The following LRR1 variants were observed in gnomAD, a reference collection of about 807,000 sequenced individuals.
LRR1 encodes the protein leucine rich repeat protein 1, also known as leucine-rich repeat protein 1.
LRR1 carries 29 observed loss-of-function variants against 31.6 expected under a neutral mutation model. That is an observed-to-expected ratio of 0.92 (90% CI 0.68 to 1.25). LRR1 has a LOEUF of 1.25. Among genes scored for constraint, LRR1 ranks in the 50% most tolerant of loss-of-function variants. The pLI is 0.00. For missense variants in LRR1, 485 were observed against 487.2 expected (o/e 1.00, Z 0.04); for synonymous variants, 179 against 181.4 (o/e 0.99, Z 0.10).
chr14:49,599,888 A>AGCGGCG (rs948684191), intron 1 of LRR1: 19 of 656,704 alleles, frequency 2.9e-5, no homozygotes, highest in East Asian at 4.5e-5. Flanking sequence ...CGCGGCGTGG[A>AGCGGCG]GCGGCGGCGA....
chr14:49,609,241 T>TG (rs1348921411), intron 3 of LRR1, among the ~76,000 whole-genome samples: 1 of 130,796 alleles, frequency 7.6e-6, no homozygotes, highest in Non-Finnish European at 1.6e-5. Context: ...TTTTTTTTTT[T>TG]TTGAGACAGG....
chr14:49,602,280 G>C, intron 1 of LRR1, 90 bp from the exon 2 acceptor site: 2 of 1,164,692 alleles, frequency 1.7e-6, no homozygotes, highest in South Asian at 2.8e-5. Context: ...ACCAAAGCCT[G>C]GCAAAGTAAC....
chr14:49,608,036 G>C lies in LRR1; in HGVS notation c.919G>C (p.Glu307Gln). The change falls in exon 3 of 4, where the codon GAA becomes CAA. Residue 307 changes from glutamate (E) to glutamine (Q), a missense_variant. Physicochemically the swap from Glu to Gln is conservative, Grantham distance 29. Coordinates refer to ENST00000298288, the MANE Select transcript of LRR1 (RefSeq NM_152329.4). ...CTTGGATCTTTTTGGAAATACTTTT[G>C]AACAACCAAAAGTCCTTCCAGTAAT... ...EYLDLFGNTFEQPKVLPVIKL... is the reference protein window; with the variant it reads ...EYLDLFGNTFQQPKVLPVIKL... The C allele has an allele frequency of 6.2e-7, 1 of 1,612,946 alleles. No individual in the cohort carries two copies. The highest frequency in any genetic ancestry group is 8.5e-7 in the Non-Finnish European group (1 of 1,179,680).
At chr14:49,599,536 G>T (rs557018716) in intron 1 of LRR1, among the ~76,000 whole-genome samples, 3 of 152,360 alleles carry the variant, frequency 2.0e-5, no homozygotes, top group South Asian at 2.1e-4. Context: ...AAGCGCAAAT[G>T]AAGCAGCTGT....
intron 3 of LRR1, among the ~76,000 whole-genome samples, chr14:49,609,745 G>A (rs936122125): frequency 1.3e-5 from 2 of 148,544 alleles, no homozygotes; most frequent in African/African-American, 5.0e-5. Context: ...TTGTTCTGTC[G>A]CCCAGGTTGG....
rs750957072 is a variant in LRR1 at position 49,599,197 on chromosome 14, C to G, written c.177C>G (p.Arg59=). ...ISTLKDKRGT[R]YELRENIEQF... is the part of the protein sequence containing the mutation. The stretch of plus-strand genomic sequence containing the variant: ...CCCTGAAGGACAAGCGCGGGACCCG[C>G]TATGAGGTGCGTGAAGTGGGCAGGC... Residue 59 remains arginine, a synonymous_variant, in exon 1 of 4, where the codon CGC becomes CGG. Transcript: ENST00000298288. The G allele has an allele frequency of 6.2e-7, 1 of 1,604,564 alleles. No homozygotes were observed. The highest frequency in any genetic ancestry group is 1.1e-5 in the South Asian group (1 of 89,310).
chr14:49,609,415 A>T (rs958198404), intron 3 of LRR1, among the ~76,000 whole-genome samples: 1 of 148,518 alleles, frequency 6.7e-6, no homozygotes, highest in Non-Finnish European at 1.5e-5. Flanking sequence ...CATTTTATTT[A>T]TTTGTTTGAG....
chr14:49,603,439 C>A, intron 2 of LRR1: 1 of 228,528 alleles, frequency 4.4e-6, no homozygotes, highest in Non-Finnish European at 7.6e-6. Context: ...GGTTACAAAT[C>A]TAAGTTTGTT....
chr14:49,614,211 A>G, intron 3 of LRR1, 45 bp from the exon 4 acceptor site: 1 of 1,561,886 alleles, frequency 6.4e-7, no homozygotes, highest in Non-Finnish European at 8.7e-7. Context: ...CATGTCCTGA[A>G]TCTAGTAACA....
chr14:49,599,773 G>C (rs1047396278), intron 1 of LRR1, among the ~76,000 whole-genome samples: 16 of 147,180 alleles, frequency 1.1e-4, no homozygotes, highest in Non-Finnish European at 1.5e-4. Flanking sequence ...GACCGGGGCC[G>C]GGGCGGGGAT....
intron 3 of LRR1, among the ~76,000 whole-genome samples, chr14:49,613,223 C>T (rs1044617279): frequency 6.6e-6 from 1 of 151,898 alleles, no homozygotes; most frequent in Non-Finnish European, 1.5e-5. Flanking sequence ...CCTATAGTCC[C>T]AGCTACTCGG....
intron 1 of LRR1, 55 bp from the exon 2 acceptor site, chr14:49,602,315 G>A (rs765210962): frequency 3.7e-5 from 55 of 1,480,980 alleles, no homozygotes; most frequent in Non-Finnish European, 4.9e-5. Flanking sequence ...TGTAATAAAT[G>A]TTACTGAGTA....
At chr14:49,607,276 G>T in intron 2 of LRR1, 124 bp from the exon 3 acceptor site, 1 of 1,118,174 alleles carries the variant, frequency 8.9e-7, no homozygotes, top group East Asian at 2.6e-5. Context: ...AAGTTTTACA[G>T]TCAATTTCAG....
At chr14:49,613,900 C>A (rs984586350) in intron 3 of LRR1, among the ~76,000 whole-genome samples, 5 of 152,160 alleles carry the variant, frequency 3.3e-5, no homozygotes, top group African/African-American at 4.8e-5. Flanking sequence ...TAAGGTTAGC[C>A]TTACTTGCCC....
intron 3 of LRR1, chr14:49,612,674 A>G (rs1032744721): frequency 9.8e-7 from 1 of 1,020,334 alleles, no homozygotes; most frequent in Non-Finnish European, 1.2e-6. Context: ...GACTTTTCTG[A>G]CAGGGTTTTA....
At chr14:49,612,711 G>T (rs1269930810) in intron 3 of LRR1, 1 of 873,462 alleles carries the variant, frequency 1.1e-6, no homozygotes, top group Admixed American at 5.2e-5. Context: ...TGTAAGACTA[G>T]GCTTGTTTAT....
chr14:49,606,980 A>G (rs1005081446), intron 2 of LRR1, among the ~76,000 whole-genome samples: 2 of 151,814 alleles, frequency 1.3e-5, no homozygotes, highest in Admixed American at 6.6e-5. Flanking sequence ...TAAGTGGAAT[A>G]GTCAATCATT....
intron 2 of LRR1, among the ~76,000 whole-genome samples, chr14:49,605,391 T>TA (rs1309469931): frequency 1.3e-5 from 2 of 152,152 alleles, no homozygotes; most frequent in Non-Finnish European, 2.9e-5. Context: ...TTACTGATTT[T>TA]AAAAAAAGAA....
At chr14:49,612,513 C>T (rs1197995278) in intron 3 of LRR1, 6 of 1,253,104 alleles carry the variant, frequency 4.8e-6, no homozygotes, top group East Asian at 5.7e-5. Context: ...ATGTGGGAGA[C>T]ACTCCCTGGC....
Sources: gnomAD v4.1 joint callset for allele counts (sites outside exome capture counted in the v4.1 genomes callset) on GRCh38, gnomAD v4.1.1 for gene constraint, MANE v1.5 for transcripts, NCBI Gene and HGNC (gene_info 2026-07-23, HGNC 2026-07-21) for gene names.